The following CPNE3 variants were observed in gnomAD, a reference collection of about 807,000 sequenced individuals.
CPNE3 encodes copine 3.
In CPNE3, 68 loss-of-function variants were observed where a neutral mutation model predicts 63.9. That is an observed-to-expected ratio of 1.06 (90% confidence interval 0.87 to 1.30). The LOEUF (loss-of-function observed/expected upper bound fraction) is 1.30. CPNE3 is among the 50% of genes most tolerant of loss of function. The pLI is 0.00. For missense variants in CPNE3, 665 were observed against 578.1 expected (o/e 1.15, Z -1.54); for synonymous variants, 219 against 197.5 (o/e 1.11, Z -0.91).
chr8:86,527,029 G>A lies in CPNE3; in HGVS notation c.-10-1507G>A, dbSNP rs192804283. Reference sequence around the variant, plus strand: ...AAGGGCTCTTCTAATGATAATCTTTGTTACTTCAGATTTGCTTAGGCATTT... The same window carrying A: ...AAGGGCTCTTCTAATGATAATCTTTATTACTTCAGATTTGCTTAGGCATTT... On this transcript the variant is annotated intron_variant, in intron 2 of 16. Coordinates refer to ENST00000517490, the MANE Select transcript of CPNE3 (RefSeq NM_003909.5). Among the ~76,000 whole-genome samples the A allele has an allele frequency of 1.9e-3, 296 of 152,226 alleles. 2 individuals carry two copies. The highest frequency in any genetic ancestry group is 6.8e-3 in the Middle Eastern group (2 of 294).
In CPNE3 at chr8:86,558,421, A is replaced by G. The variant is rs1160031467; in HGVS notation, c.*11A>G. 9.2e-6 allele frequency: 8 copies of G among 872,866 alleles called. No individual in the cohort carries two copies. In the African/African-American group the frequency reaches 1.3e-4, roughly 14 times the overall value. 54.1% of individuals were successfully genotyped at this position (872,866 alleles called of 1,614,324 possible). ...CAACAGAAGCAGTGACCACTTCAAC[A>G]GAATTCTTTTGTGTTATGTGGAGCA... is the stretch of plus-strand genomic sequence containing the variant. On this transcript the variant is annotated 3_prime_UTR_variant, in exon 17 of 17. Transcript: ENST00000517490.
In CPNE3 at chr8:86,540,284, A is replaced by G. The variant is rs770192088; in HGVS notation, c.583A>G (p.Lys195Glu). 4 of 1,609,900 alleles carry G rather than the reference A, an allele frequency of 2.5e-6. No individual in the cohort carries two copies. The South Asian group carries it at 4.4e-5, about 18-fold the overall frequency. Residue 195 changes from lysine to glutamate, a missense_variant, in exon 8 of 17, where the codon AAG (lysine) becomes GAG (glutamate). Transcript: ENST00000517490. ...CTTGAATCCTGTTTGGAGGCCTTTC[A>G]AGATCTCTCTTAACTCACTGTGTTA... ...NNLNPVWRPF[K>E]ISLNSLCYGD...
chr8:86,557,755 T>TACACAC (rs545682862), intron 16 of CPNE3, among the ~76,000 whole-genome samples: 1 of 148,930 alleles, frequency 6.7e-6, no homozygotes, highest in South Asian at 2.1e-4. Context: ...CACACACACA[T>TACACAC]ACACACACAC....
chr8:86,516,386 T>C (rs910870465), intron 2 of CPNE3, among the ~76,000 whole-genome samples: 2 of 152,152 alleles, frequency 1.3e-5, no homozygotes, highest in African/African-American at 4.8e-5. Flanking sequence ...TAGACAATGG[T>C]CTTCATTTTC....
chr8:86,552,962 GCCC>G (rs1173984951), intron 14 of CPNE3, among the ~76,000 whole-genome samples: 4 of 3,510 alleles, frequency 1.1e-3, no homozygotes, highest in African/African-American at 2.0e-3. Context: ...GCCACAGCCC[GCCC>G]CCCCCCCCCC....
At chr8:86,521,702 T>G (rs1820436826) in intron 2 of CPNE3, 1 of 152,190 alleles carries the variant, frequency 6.6e-6, no homozygotes, top group Non-Finnish European at 1.5e-5. Context: ...ACTTACTAGC[T>G]TTGTGATCCC....
chr8:86,520,224 AGAAAGGGATT>A (rs1276169720), intron 2 of CPNE3, among the ~76,000 whole-genome samples: 1 of 152,210 alleles, frequency 6.6e-6, no homozygotes, highest in Non-Finnish European at 1.5e-5. Context: ...AATTACTTAA[AGAAAGGGATT>A]GACTCAACTC....
At chr8:86,547,370 G>A (rs1169576140) in intron 10 of CPNE3, 1 of 191,318 alleles carries the variant, frequency 5.2e-6, no homozygotes, top group Non-Finnish European at 1.1e-5. Flanking sequence ...GGGTGAACAA[G>A]TGGAATGGAG....
At chr8:86,551,337 C>A in intron 14 of CPNE3, 103 bp downstream of exon 14, 1 of 786,262 alleles carries the variant, frequency 1.3e-6, no homozygotes, top group African/African-American at 1.8e-5. Context: ...TAAAACTACT[C>A]AAATTTCATC....
intron 9 of CPNE3, among the ~76,000 whole-genome samples, chr8:86,546,148 A>G (rs1474164534): frequency 6.6e-6 from 1 of 151,870 alleles, no homozygotes; most frequent in Non-Finnish European, 1.5e-5. Context: ...GGCTTCATAT[A>G]TTTGTTTTAT....
intron 2 of CPNE3, among the ~76,000 whole-genome samples, chr8:86,526,711 C>T (rs1820548588): frequency 6.6e-6 from 1 of 152,078 alleles, no homozygotes; most frequent in Non-Finnish European, 1.5e-5. Context: ...GAGGTTTCAC[C>T]ATGTTGACCA....
intron 2 of CPNE3, among the ~76,000 whole-genome samples, chr8:86,526,360 A>G (rs981474407): frequency 1.3e-5 from 2 of 152,168 alleles, no homozygotes; most frequent in Non-Finnish European, 2.9e-5. Flanking sequence ...CAGGATAATC[A>G]TGGAATGGAA....
Position 86,529,048 on chromosome 8 carries a change from T to G in CPNE3, c.236T>G (p.Val79Gly), listed in dbSNP as rs747401693. Residue 79 changes from valine (V) to glycine (G), a missense_variant, in exon 4 of 17, where the codon GTT (valine) becomes GGT (glycine). Coordinates refer to ENST00000517490, the MANE Select transcript of CPNE3 (RefSeq NM_003909.5). ...FEVVQKLKFG[V>G]YDIDNKTIEL... ...GTGGTTCAGAAATTGAAATTTGGGG[T>G]TTATGACATCGACAACAAAACTATT... 1.2e-6 allele frequency: 2 copies of G among 1,614,000 alleles called. No homozygotes were observed. The highest frequency in any genetic ancestry group is 2.2e-5 in the South Asian group (2 of 91,068).
At chr8:86,557,337 C>T (rs6980994) in intron 16 of CPNE3, among the ~76,000 whole-genome samples, 126,597 of 151,978 alleles carry the variant, frequency 0.83, 53,466 homozygotes, top group African/African-American at 0.92. Flanking sequence ...GGTTTTACCA[C>T]GTTGGCCAGG....
chr8:86,532,433 C>G (rs2131450212), intron 5 of CPNE3, 76 bp from the exon 6 acceptor site: 2 of 1,011,648 alleles, frequency 2.0e-6, no homozygotes, highest in South Asian at 3.6e-5. Flanking sequence ...TATTAGATAA[C>G]AGAATAAATC....
chr8:86,541,962 A>G (rs1340200987), intron 8 of CPNE3, among the ~76,000 whole-genome samples: 1 of 152,198 alleles, frequency 6.6e-6, no homozygotes, highest in Non-Finnish European at 1.5e-5. Flanking sequence ...AATCTAGGGG[A>G]AAATGTCTAA....
Position 86,560,607 on chromosome 8 carries a change from A to AG in CPNE3, c.*2197_*2198insG, listed in dbSNP as rs1247466639. 2.9e-3 allele frequency: 5 copies of AG among 1,700 alleles called. No individual in the cohort carries two copies. The highest frequency in any genetic ancestry group is 3.2e-3 in the Non-Finnish European group (2 of 616). The allele number at this position is 1,700 out of a possible 1,614,324, so 0.1% of individuals were successfully genotyped here. A position where few individuals can be genotyped will look rare whatever the true frequency, so the allele number is the denominator to read the frequency against. On this transcript the variant is annotated 3_prime_UTR_variant, in exon 17 of 17. Transcript: ENST00000517490. Reference sequence around the variant, plus strand: ...CTATTTTAAAATTGTTTTAAAATTTAAAACATTTAATTCATGATCATGTTC... The same window carrying AG: ...CTATTTTAAAATTGTTTTAAAATTTAGAAACATTTAATTCATGATCATGTTC...
chr8:86,552,725 G>A (rs935526514), intron 14 of CPNE3, among the ~76,000 whole-genome samples: 1 of 151,032 alleles, frequency 6.6e-6, no homozygotes, highest in Non-Finnish European at 1.5e-5. Context: ...GAAATAATAT[G>A]CCTTAGAAAT....
intron 6 of CPNE3, among the ~76,000 whole-genome samples, chr8:86,537,078 T>C (rs1302058675): frequency 6.6e-6 from 1 of 152,196 alleles, no homozygotes; most frequent in African/African-American, 2.4e-5. Context: ...GGCTGAGATA[T>C]GAAGTTAAAG....
Sources: gnomAD v4.1 joint callset for allele counts (sites outside exome capture counted in the v4.1 genomes callset) on GRCh38, gnomAD v4.1.1 for gene constraint, MANE v1.5 for transcripts, NCBI Gene and HGNC (gene_info 2026-07-23, HGNC 2026-07-21) for gene names.